The following XKR4 variants were observed in gnomAD, a reference collection of about 807,000 sequenced individuals.
XKR4 encodes the protein XK-related protein 4.
A neutral mutation model predicts 53.9 loss-of-function variants in XKR4; 12 were observed. The observed-to-expected ratio is 0.22, with a 90% CI of 0.14 to 0.36. XKR4 has a LOEUF of 0.36. Ranked by LOEUF, XKR4 falls within the 10% of genes least tolerant of loss-of-function variation. The probability of loss-of-function intolerance (pLI) is 1.00; values close to 1 mark genes in which losing one functional copy is unlikely to be tolerated. For missense variants in XKR4, 799 were observed against 859.5 expected (o/e 0.93, Z 0.88); for synonymous variants, 354 against 362.4 (o/e 0.98, Z 0.26).
chr8:55,299,266 A>C (rs1429535874), intron 1 of XKR4, among the ~76,000 whole-genome samples: 1 of 152,200 alleles, frequency 6.6e-6, no homozygotes, highest in Non-Finnish European at 1.5e-5. Flanking sequence ...CAAAGTGGAG[A>C]TATTTCTGGC....
chr8:55,499,051 T>G (rs1043759776), intron 2 of XKR4, among the ~76,000 whole-genome samples: 5 of 152,140 alleles, frequency 3.3e-5, no homozygotes, highest in Non-Finnish European at 7.4e-5. Flanking sequence ...TAAGATGAAA[T>G]CCTCCTTTTT....
chr8:55,397,942 A>C (rs1804546187), intron 2 of XKR4, among the ~76,000 whole-genome samples: 1 of 152,164 alleles, frequency 6.6e-6, no homozygotes, highest in Non-Finnish European at 1.5e-5. Flanking sequence ...CTCAGGGGTT[A>C]ATCTCTTTGA....
intron 2 of XKR4, among the ~76,000 whole-genome samples, chr8:55,521,950 T>C (rs1282157731): frequency 6.6e-6 from 1 of 152,196 alleles, no homozygotes. Flanking sequence ...TAATAATAGA[T>C]TTGGTGAAGA....
chr8:55,227,234 T>C (rs552838576), intron 1 of XKR4, among the ~76,000 whole-genome samples: 19 of 152,356 alleles, frequency 1.2e-4, no homozygotes, highest in Admixed American at 1.0e-3. Flanking sequence ...ATAGATGTTA[T>C]TATCATAGCT....
At chr8:55,279,868 G>C (rs1818814468) in intron 1 of XKR4, among the ~76,000 whole-genome samples, 1 of 152,182 alleles carries the variant, frequency 6.6e-6, no homozygotes, top group Admixed American at 6.5e-5. Flanking sequence ...GAACAGCTGT[G>C]CTTTTTTGCA....
At chr8:55,478,273 C>A (rs1381452198) in intron 2 of XKR4, among the ~76,000 whole-genome samples, 27 of 152,064 alleles carry the variant, frequency 1.8e-4, no homozygotes, top group Non-Finnish European at 3.1e-4. Context: ...GAATTTTCAA[C>A]CCAGAATTTC....
intron 2 of XKR4, chr8:55,450,128 G>T: frequency 1.4e-6 from 1 of 694,722 alleles, no homozygotes; most frequent in Non-Finnish European, 2.6e-6. Flanking sequence ...GGTCGGCTCA[G>T]CTCTGTCTCC....
At chr8:55,118,264 G>A (rs964255454) in intron 1 of XKR4, among the ~76,000 whole-genome samples, 1 of 152,172 alleles carries the variant, frequency 6.6e-6, no homozygotes, top group African/African-American at 2.4e-5. Context: ...TAGTACTAAA[G>A]AATGCTAAGT....
intron 1 of XKR4, among the ~76,000 whole-genome samples, chr8:55,207,706 T>A (rs145958133): frequency 5.9e-4 from 89 of 149,902 alleles, no homozygotes; most frequent in Non-Finnish European, 8.0e-4. Context: ...GGGACACCAA[T>A]CCTTGTTCAT....
chr8:55,222,566 A>G (rs1296942755), intron 1 of XKR4, among the ~76,000 whole-genome samples: 1 of 152,248 alleles, frequency 6.6e-6, no homozygotes, highest in African/African-American at 2.4e-5. Flanking sequence ...CCTTCATAAC[A>G]TTAACAGCAA....
chr8:55,443,540 A>AAAC (rs1805300528), intron 2 of XKR4, among the ~76,000 whole-genome samples: 1 of 146,890 alleles, frequency 6.8e-6, no homozygotes, highest in Non-Finnish European at 1.5e-5. Context: ...TAAAAAAAAA[A>AAAC]AAAAAAAAAA....
intron 1 of XKR4, among the ~76,000 whole-genome samples, chr8:55,303,013 G>T (rs1309474641): frequency 6.6e-6 from 1 of 152,094 alleles, no homozygotes; most frequent in Non-Finnish European, 1.5e-5. Flanking sequence ...GATTGCCCTG[G>T]CCAGCACTTC....
intron 1 of XKR4, among the ~76,000 whole-genome samples, chr8:55,223,211 C>G (rs774595677): frequency 2.8e-4 from 42 of 152,156 alleles, no homozygotes; most frequent in Admixed American, 2.1e-3. Flanking sequence ...AAATTATAGC[C>G]CGGGTCTGAT....
chr8:55,265,755 C>A (rs111838632), intron 1 of XKR4, among the ~76,000 whole-genome samples: 197 of 151,686 alleles, frequency 1.3e-3, no homozygotes, highest in African/African-American at 4.6e-3. Flanking sequence ...TCAAGGCGGG[C>A]AGATCATGAG....
At chr8:55,160,472 G>T (rs1816968819) in intron 1 of XKR4, among the ~76,000 whole-genome samples, 1 of 152,200 alleles carries the variant, frequency 6.6e-6, no homozygotes, top group Non-Finnish European at 1.5e-5. Context: ...GTGGGCCTAA[G>T]ATTTCAGATT....
intron 1 of XKR4, among the ~76,000 whole-genome samples, chr8:55,182,758 A>G (rs1055302386): frequency 7.9e-5 from 12 of 152,176 alleles, no homozygotes; most frequent in African/African-American, 2.9e-4. Flanking sequence ...ATTTTGAAAT[A>G]TTGGCTTGAC....
chr8:55,360,670 AT>A (rs979139461), intron 2 of XKR4, among the ~76,000 whole-genome samples: 1 of 152,186 alleles, frequency 6.6e-6, no homozygotes, highest in Non-Finnish European at 1.5e-5. Flanking sequence ...TAAAATTACT[AT>A]TTTTTAGGAT....
At position 55,291,242 on chromosome 8, in the gene XKR4, A is replaced by T. The variant is rs149448717; in HGVS notation, c.807-66436A>T. Among the ~76,000 whole-genome samples, 635 of 152,266 alleles carry T rather than the reference A, an allele frequency of 4.2e-3. 8 individuals carry two copies. Among genetic ancestry groups the T allele is most frequent in the African/African-American group, 0.014 (595 of 41,544 alleles). ...TTATCTCTGTGTCTACTCTTGGCCG[A>T]TACCACCCAGTCTTGATTACTATAG... On this transcript the variant is annotated intron_variant, in intron 1 of 2. Coordinates refer to ENST00000327381, the MANE Select transcript of XKR4 (RefSeq NM_052898.2).
chr8:55,433,624 C>A (rs961423322), intron 2 of XKR4, among the ~76,000 whole-genome samples: 18 of 152,138 alleles, frequency 1.2e-4, no homozygotes, highest in African/African-American at 4.3e-4. Context: ...ACAAATGAAA[C>A]CTTTGAAAAG....
Sources: gnomAD v4.1 joint callset for allele counts (sites outside exome capture counted in the v4.1 genomes callset) on GRCh38, gnomAD v4.1.1 for gene constraint, MANE v1.5 for transcripts, NCBI Gene and HGNC (gene_info 2026-07-23, HGNC 2026-07-21) for gene names.